Variants in BCAS3 observed in about 807,000 individuals in gnomAD.
The protein encoded by BCAS3 is BCAS3 microtubule associated cell migration factor, also known as BCAS4/BCAS3 fusion.
Under a neutral mutation model 116.1 loss-of-function variants are expected in BCAS3, and 53 were observed. The ratio of observed to expected loss-of-function variants is 0.46; its 90% CI spans 0.37 to 0.57. The LOEUF is 0.57. Among genes scored for constraint, BCAS3 ranks in the 20% least tolerant of loss-of-function variants. The pLI is 0.00. For synonymous variants in BCAS3, 391 were observed against 408.2 expected (o/e 0.96, Z 0.51); for missense variants, 917 against 1,165.4 (o/e 0.79, Z 3.10).
intron 6 of BCAS3, among the ~76,000 whole-genome samples, chr17:60,760,435 TCTC>T (rs1353377313): frequency 6.6e-6 from 1 of 152,046 alleles, no homozygotes; most frequent in Non-Finnish European, 1.5e-5. Context: ...AGACTTTATT[TCTC>T]CTTCATTCAT....
rs914988366 is a variant in BCAS3, at chr17:61,228,702, C to T, written c.2426-139625C>T. Among the ~76,000 whole-genome samples the T allele has an allele frequency of 1.3e-5, 2 of 152,252 alleles. No individual in the cohort carries two copies. The highest frequency in any genetic ancestry group is 2.4e-5 in the African/African-American group (1 of 41,558). The stretch of plus-strand genomic sequence containing the variant: ...AACAGCAAACTTAATAAATGTTTTG[C>T]GTTCTGACTGCTCCACTGACCAGTT... On this transcript the variant is annotated intron_variant, in intron 22 of 23. Transcript: ENST00000407086. This position sits in a 1 kb window ranked among gnomAD's most constrained non-coding sequence, Gnocchi z 5.0.
At chr17:60,851,560 A>T in intron 7 of BCAS3, 1 of 620,006 alleles carries the variant, frequency 1.6e-6, no homozygotes, top group South Asian at 1.7e-5. Flanking sequence ...CGGGGTGAAT[A>T]ATTTCTACCC....
chr17:60,997,785 A>G (rs984015323), intron 15 of BCAS3, among the ~76,000 whole-genome samples: 1 of 152,176 alleles, frequency 6.6e-6, no homozygotes, highest in Non-Finnish European at 1.5e-5. Flanking sequence ...TGAATTTCAT[A>G]TATTTGCTCC....
rs9916718 is a variant in BCAS3 at position 61,012,184 on chromosome 17, A to G, written c.1487-3567A>G. 0.013 allele frequency among the ~76,000 whole-genome samples: 1,933 copies of G among 152,106 alleles called. 42 individuals are homozygous for G. Among genetic ancestry groups the G allele is most frequent in the African/African-American group, 0.044 (1,831 of 41,514 alleles). On this transcript the variant is annotated intron_variant, in intron 15 of 23. Transcript: ENST00000407086. This position sits in a 1 kb window ranked among gnomAD's most constrained non-coding sequence, Gnocchi z 4.5. ...TTTTGTTAATATGTCTTTCTGTAAC[A>G]TTACATTATGAACTCTTTGAAAGTC...
chr17:61,011,226 A>G (rs1379025060), intron 15 of BCAS3, among the ~76,000 whole-genome samples: 1 of 151,862 alleles, frequency 6.6e-6, no homozygotes, highest in Non-Finnish European at 1.5e-5. Flanking sequence ...TCTCAGAAAT[A>G]TTATTTGTAT....
intron 22 of BCAS3, among the ~76,000 whole-genome samples, chr17:61,295,954 CAAAA>C (rs11332478): frequency 7.5e-5 from 6 of 79,940 alleles, no homozygotes; most frequent in Admixed American, 1.5e-4. Flanking sequence ...GACTCCGTCT[CAAAA>C]AAAAAAAAAA....
At chr17:60,789,705 A>T (rs1009448399) in intron 6 of BCAS3, among the ~76,000 whole-genome samples, 2 of 152,136 alleles carry the variant, frequency 1.3e-5, no homozygotes. Flanking sequence ...ACACAATTTT[A>T]TATATAAAAA....
rs2143346768 is a variant in BCAS3 at position 61,352,125 on chromosome 17, G to A, written c.2426-16202G>A. Among the ~76,000 whole-genome samples, 1 of 152,354 alleles carries A rather than the reference G, an allele frequency of 6.6e-6. No homozygotes were observed. Among genetic ancestry groups the A allele is most frequent in the South Asian group, 2.1e-4 (1 of 4,822 alleles). On this transcript the variant is annotated intron_variant, in intron 22 of 23. Transcript: ENST00000407086. This position sits in a 1 kb window ranked among gnomAD's most constrained non-coding sequence, Gnocchi z 4.7. ...ATTTCTAAAACTAAAATGAAACAGT[G>A]AGAAATTAATTCCTTCGTTCAGCTG...
rs1312169029 is a variant in BCAS3, at chr17:61,344,178, C to T, written c.2426-24149C>T. On this transcript the variant is annotated intron_variant, in intron 22 of 23. Coordinates refer to ENST00000407086, the MANE Select transcript of BCAS3 (RefSeq NM_017679.5). The surrounding 1 kb of genome is among the most constrained non-coding windows in gnomAD (Gnocchi z 4.1). ...GGCTTCACTGATACCCATAAGGAGGCGGAATATGCAAACCCTCTTTGCTTA... is the reference window on the plus strand; with the variant it reads ...GGCTTCACTGATACCCATAAGGAGGTGGAATATGCAAACCCTCTTTGCTTA... 6.6e-6 allele frequency among the ~76,000 whole-genome samples: 1 copy of T among 151,932 alleles called. No homozygotes were observed. The highest frequency in any genetic ancestry group is 1.5e-5 in the Non-Finnish European group (1 of 67,992).
chr17:60,695,270 G>A (rs1438429773), intron 4 of BCAS3, among the ~76,000 whole-genome samples: 4 of 151,978 alleles, frequency 2.6e-5, no homozygotes, highest in East Asian at 1.9e-4. Context: ...ACAGGCGTGC[G>A]CCATCACACC....
chr17:61,100,928 G>A (rs549705395), intron 22 of BCAS3, among the ~76,000 whole-genome samples: 8 of 152,190 alleles, frequency 5.3e-5, no homozygotes, highest in Non-Finnish European at 1.0e-4. Context: ...CTTGTCTACT[G>A]TCACAGAGCT....
intron 8 of BCAS3, among the ~76,000 whole-genome samples, chr17:60,872,571 A>G (rs1443354835): frequency 6.6e-6 from 1 of 151,322 alleles, no homozygotes; most frequent in Non-Finnish European, 1.5e-5. Flanking sequence ...CCCCATATAT[A>G]TCTGTATGTA....
rs1006363975 is a variant in BCAS3 at position 61,265,455 on chromosome 17, A to G, written c.2426-102872A>G. Among the ~76,000 whole-genome samples the G allele has an allele frequency of 1.3e-5, 2 of 152,160 alleles. No homozygotes were observed. Among genetic ancestry groups the G allele is most frequent in the Non-Finnish European group, 2.9e-5 (2 of 68,020 alleles). On this transcript the variant is annotated intron_variant, in intron 22 of 23. Transcript: ENST00000407086. This position sits in a 1 kb window ranked among gnomAD's most constrained non-coding sequence, Gnocchi z 4.3. ...GTACCTGATACATAACAGATATTCA[A>G]TAATTGTTCCCTTCCTTCCCCTCTT...
In BCAS3 at chr17:61,316,602, C is replaced by G. The variant is rs2054761192; in HGVS notation, c.2426-51725C>G. Among the ~76,000 whole-genome samples, 1 of 151,864 alleles carries G rather than the reference C, an allele frequency of 6.6e-6. No individual in the cohort carries two copies. Among genetic ancestry groups the G allele is most frequent in the South Asian group, 2.1e-4 (1 of 4,802 alleles). ...TCGCTGCTAGGCAGACTCAGAGGGGCCTGCAGCTGGTATCTGATAAAATAA... is the reference window on the plus strand; with the variant it reads ...TCGCTGCTAGGCAGACTCAGAGGGGGCTGCAGCTGGTATCTGATAAAATAA... On this transcript the variant is annotated intron_variant, in intron 22 of 23. Transcript: ENST00000407086. This position sits in a 1 kb window ranked among gnomAD's most constrained non-coding sequence, Gnocchi z 5.8.
intron 19 of BCAS3, among the ~76,000 whole-genome samples, chr17:61,053,807 G>C (rs1000835443): frequency 6.6e-6 from 1 of 152,194 alleles, no homozygotes; most frequent in East Asian, 1.9e-4. Context: ...GTGTCATACT[G>C]CTCTCTCCAG....
In BCAS3 at chr17:61,337,057, G is replaced by A. The variant is rs1199937897; in HGVS notation, c.2426-31270G>A. 1.3e-5 allele frequency among the ~76,000 whole-genome samples: 2 copies of A among 152,018 alleles called. No individual in the cohort carries two copies. Among genetic ancestry groups the A allele is most frequent in the Admixed American group, 6.6e-5 (1 of 15,258 alleles). ...GAACCTGGGAGGTGGAGGTTGCAGT[G>A]AGCCAAGATTGCCTCATTGCACTCC... On this transcript the variant is annotated intron_variant, in intron 22 of 23. Transcript: ENST00000407086. This position sits in a 1 kb window ranked among gnomAD's most constrained non-coding sequence, Gnocchi z 4.8.
At chr17:61,099,511 A>G (rs929859677) in intron 22 of BCAS3, among the ~76,000 whole-genome samples, 2 of 152,206 alleles carry the variant, frequency 1.3e-5, no homozygotes, top group African/African-American at 4.8e-5. Context: ...TATGATCACT[A>G]TTCCTTTGTA....
Position 61,007,321 on chromosome 17 carries a change from C to T in BCAS3, c.1487-8430C>T, listed in dbSNP as rs1254166445. Among the ~76,000 whole-genome samples the T allele has an allele frequency of 6.6e-6, 1 of 151,924 alleles. No homozygotes were observed. Among genetic ancestry groups the T allele is most frequent in the Non-Finnish European group, 1.5e-5 (1 of 67,940 alleles). On this transcript the variant is annotated intron_variant, in intron 15 of 23. Transcript: ENST00000407086. This position sits in a 1 kb window ranked among gnomAD's most constrained non-coding sequence, Gnocchi z 4.3. ...ACCTTGTTACCTTTTGGAGTTGTGTCAACTATACTTGCTGTACTTAGAATT... is the reference window on the plus strand; with the variant it reads ...ACCTTGTTACCTTTTGGAGTTGTGTTAACTATACTTGCTGTACTTAGAATT...
In BCAS3 at chr17:60,834,688, C is replaced by A. The variant is rs115001409; in HGVS notation, c.476+26612C>A. Among the ~76,000 whole-genome samples, 823 of 152,016 alleles carry A rather than the reference C, an allele frequency of 5.4e-3. 9 individuals are homozygous for A. Among genetic ancestry groups the A allele is most frequent in the African/African-American group, 0.019 (777 of 41,536 alleles). On this transcript the variant is annotated intron_variant, in intron 7 of 23. Coordinates refer to ENST00000407086, the MANE Select transcript of BCAS3 (RefSeq NM_017679.5). ...ACATCTTTTTATGAGTTGAGCTAGA[C>A]TTTAGTATCCTCATTTCAAGTACCC...
Sources: gnomAD v4.1 joint callset for allele counts (sites outside exome capture counted in the v4.1 genomes callset) on GRCh38, gnomAD v4.1.1 for gene constraint, Gnocchi (gnomAD v3.1) non-coding constraint, MANE v1.5 for transcripts, NCBI Gene and HGNC (gene_info 2026-07-23, HGNC 2026-07-21) for gene names.